NBPF12: variants seen among roughly 807,000 people sequenced by gnomAD.
NBPF12 encodes the protein NBPF member 12.
A neutral mutation model predicts 146.4 loss-of-function variants in NBPF12; 115 were observed. The ratio of observed to expected loss-of-function variants is 0.79; its 90% CI spans 0.68 to 0.92. NBPF12 has a LOEUF of 0.92. Ranked by LOEUF, NBPF12 falls within the 40% of genes least tolerant of loss-of-function variation. NBPF12 has a pLI of 0.00. For synonymous variants in NBPF12, 385 were observed against 508.9 expected (o/e 0.76, Z 3.28); for missense variants, 1,205 against 1,326.8 (o/e 0.91, Z 1.43).
rs1301964734 is a variant in NBPF12 at position 146,954,879 on chromosome 1, A to C, written c.-184+3390A>C. Among the ~76,000 whole-genome samples the C allele has an allele frequency of 2.5e-5, 3 of 118,268 alleles. 1 individual carries two copies. Among genetic ancestry groups the C allele is most frequent in the African/African-American group, 6.4e-5 (2 of 31,468 alleles). The allele number at this position is 118,268 out of a possible 152,430, so 77.6% of individuals were successfully genotyped here. On this transcript the variant is annotated intron_variant, in intron 2 of 33. Transcript: ENST00000617844. ...TTAGGACATATATATATGTATACAC[A>C]CCCACACACACACACACAAACGTGT...
intron 13 of NBPF12, 110 bp from the exon 17 acceptor site, chr1:146,972,641 C>T: frequency 1.0e-6 from 1 of 984,118 alleles, no homozygotes; most frequent in Non-Finnish European, 1.6e-6. Flanking sequence ...AGGGAAACAA[C>T]ATCTTCAAAT....
At chr1:146,952,356 C>T (rs1206338525) in intron 2 of NBPF12, among the ~76,000 whole-genome samples, 2 of 152,096 alleles carry the variant, frequency 1.3e-5, no homozygotes, top group African/African-American at 4.8e-5. Context: ...CTTCTATTCT[C>T]TTGCATCGTC....
Position 146,980,261 on chromosome 1 carries a change from T to C in NBPF12, c.2450+1251T>C, listed in dbSNP as rs1657288518. Among the ~76,000 whole-genome samples the C allele has an allele frequency of 2.0e-5, 3 of 152,068 alleles. No homozygotes were observed. The South Asian group carries it at 6.2e-4, about 31-fold the overall frequency. On this transcript the variant is annotated intron_variant, in intron 19 of 33. Coordinates refer to ENST00000617844, the Ensembl canonical transcript of NBPF12. ...ACAGCGCACCGATGGGTCTTGACTC[T>C]TTATCCAATTTGCCATTCTGTGTTT...
At chr1:146,949,972 TGC>T (rs1655257290) in intron 1 of NBPF12, among the ~76,000 whole-genome samples, 1 of 151,962 alleles carries the variant, frequency 6.6e-6, no homozygotes, top group Non-Finnish European at 1.5e-5. Context: ...ATCCAGTTCA[TGC>T]GGTAACCTCA....
chr1:146,960,930 G>A (rs1177439094), intron 4 of NBPF12, among the ~76,000 whole-genome samples: 6 of 152,124 alleles, frequency 3.9e-5, no homozygotes, highest in African/African-American at 2.4e-5. Context: ...GGCAGAGCAC[G>A]AGGTCAGCAG....
rs1553886254 is a variant in NBPF12 at position 146,970,637 on chromosome 1, G to A, written c.1307-10G>A. ...TGGAAAATATCTGAACGAACATTTTGTATTTATAGAAAATGATGAAGATGA... is the reference window on the plus strand; with the variant it reads ...TGGAAAATATCTGAACGAACATTTTATATTTATAGAAAATGATGAAGATGA... On this transcript the variant is annotated splice_polypyrimidine_tract_variant and intron_variant, in intron 11 of 33. Coordinates refer to ENST00000617844, the Ensembl canonical transcript of NBPF12. The A allele has an allele frequency of 3.2e-6, 5 of 1,548,228 alleles. No individual in the cohort carries two copies. The South Asian group carries it at 3.3e-5, about 10-fold the overall frequency.
At chr1:146,978,250 A>G (rs1200384844) in intron 18 of NBPF12, among the ~76,000 whole-genome samples, 1 of 132,690 alleles carries the variant, frequency 7.5e-6, no homozygotes, top group African/African-American at 2.8e-5. Context: ...GTTTGTTTGT[A>G]GCGTCGTAGA....
upstream of NBPF12, chr1:146,938,684 C>G (rs1654641479): frequency 6.6e-6 from 1 of 152,154 alleles, no homozygotes; most frequent in Non-Finnish European, 1.5e-5. Context: ...GTAGAGGCAG[C>G]CGGGTCCCTT....
intron 8 of NBPF12, among the ~76,000 whole-genome samples, chr1:146,965,380 G>A (rs1261410827): frequency 2.0e-5 from 3 of 151,318 alleles, no homozygotes; most frequent in African/African-American, 4.9e-5. Flanking sequence ...CGTGCCTATA[G>A]TCCCAACTGC....
intron 21 of NBPF12, among the ~76,000 whole-genome samples, 160 bp downstream of exon 24, chr1:146,984,345 T>C (rs1358962708): frequency 6.6e-6 from 1 of 150,866 alleles, no homozygotes; most frequent in African/African-American, 2.5e-5. Context: ...AGTAAATGTT[T>C]AGGTTTCCAT....
intron 4 of NBPF12, among the ~76,000 whole-genome samples, chr1:146,960,927 C>G (rs1183880508): frequency 5.3e-5 from 8 of 152,096 alleles, no homozygotes; most frequent in South Asian, 2.1e-4. Flanking sequence ...GCGGGCAGAG[C>G]ACGAGGTCAG....
intron 10 of NBPF12, 105 bp downstream of exon 13, chr1:146,968,655 C>T (rs1277782212): frequency 6.9e-6 from 7 of 1,014,356 alleles, no homozygotes; most frequent in East Asian, 4.8e-5. Context: ...AGGGGAAGGG[C>T]AGGAATTGCC....
At chr1:146,975,731 G>A in exon 16 of NBPF12, 1 of 1,085,618 alleles carries the variant, frequency 9.2e-7, no homozygotes. Context: ...AGTTAAGGGA[G>A]AAGTTACGGG....
At chr1:146,941,460 A>G (rs1266438508) in intron 1 of NBPF12, among the ~76,000 whole-genome samples, 1 of 149,608 alleles carries the variant, frequency 6.7e-6, no homozygotes, top group Non-Finnish European at 1.5e-5. Flanking sequence ...GTCCTGTTTA[A>G]GAAATCAATG....
intron 10 of NBPF12, 127 bp downstream of exon 13, chr1:146,968,677 G>A (rs1656365005): frequency 1.7e-5 from 14 of 812,794 alleles, no homozygotes; most frequent in East Asian, 4.9e-5. Flanking sequence ...TGGCAGGCTC[G>A]CTACACACAA....
At chr1:146,946,587 G>A (rs1269766586), upstream of NBPF12, among the ~76,000 whole-genome samples, 1 of 97,060 alleles carries the variant, frequency 1.0e-5, no homozygotes, top group East Asian at 3.6e-4. Flanking sequence ...TTGGACAGCA[G>A]TTTTTCCATC....
chr1:146,975,241 G>A (rs1467893617), intron 15 of NBPF12, among the ~76,000 whole-genome samples: 2 of 135,320 alleles, frequency 1.5e-5, no homozygotes, highest in African/African-American at 3.0e-5. Context: ...TTGCCTTCTC[G>A]ACCCTGTCAT....
At chr1:146,962,957 A>G in intron 5 of NBPF12, 138 bp from the exon 9 acceptor site, 1 of 652,602 alleles carries the variant, frequency 1.5e-6, no homozygotes. Context: ...TCTTGGCCAC[A>G]GACATTCCTT....
At chr1:146,945,002 C>CCCTG (rs1654972857), upstream of NBPF12, among the ~76,000 whole-genome samples, 3 of 30,016 alleles carry the variant, frequency 1.0e-4, no homozygotes, top group African/African-American at 4.7e-4. Flanking sequence ...CTCCCTCCCT[C>CCCTG]CCTTCCTTCC....
Sources: gnomAD v4.1 joint callset for allele counts (sites outside exome capture counted in the v4.1 genomes callset) on GRCh38, gnomAD v4.1.1 for gene constraint, MANE v1.5 for transcripts, NCBI Gene and HGNC (gene_info 2026-07-23, HGNC 2026-07-21) for gene names.